Variants in CPM observed in about 807,000 individuals in gnomAD.
CPM encodes carboxypeptidase M, also known as renal carboxypeptidase.
CPM carries 35 observed loss-of-function variants against 46.4 expected under a neutral mutation model. The observed-to-expected ratio is 0.75, with a 90% CI of 0.58 to 1.00. The LOEUF (loss-of-function observed/expected upper bound fraction) is 1.00, where lower values mean the gene tolerates loss of function less well. CPM is among the 50% of genes least tolerant of loss of function. CPM has a pLI of 0.00. For synonymous variants in CPM, 195 were observed against 195.3 expected (o/e 1.00, Z 0.01); for missense variants, 422 against 530.4 (o/e 0.80, Z 2.01).
At chr12:68,860,682 T>A (rs1192378423) in intron 7 of CPM, among the ~76,000 whole-genome samples, 1 of 152,100 alleles carries the variant, frequency 6.6e-6, no homozygotes, top group Non-Finnish European at 1.5e-5. Context: ...GTACCCATCA[T>A]CATAGCTTGG....
intron 1 of CPM, among the ~76,000 whole-genome samples, chr12:68,941,423 G>A (rs1888759703): frequency 6.6e-6 from 1 of 152,072 alleles, no homozygotes; most frequent in Admixed American, 6.6e-5. Context: ...GCCCAGGCTG[G>A]AGTGCAGTGA....
chr12:68,926,162 C>T (rs943598908), intron 2 of CPM, among the ~76,000 whole-genome samples: 3 of 152,300 alleles, frequency 2.0e-5, no homozygotes, highest in African/African-American at 7.2e-5. Context: ...GGGCGATCCA[C>T]CTGCCTCAGC....
chr12:68,960,975 G>A (rs920690254), intron 1 of CPM, among the ~76,000 whole-genome samples: 17 of 152,100 alleles, frequency 1.1e-4, no homozygotes, highest in African/African-American at 3.1e-4. Flanking sequence ...GGTAAAAGGC[G>A]ATGCAACTTA....
At chr12:68,879,822 A>G (rs938202499) in intron 3 of CPM, among the ~76,000 whole-genome samples, 5 of 152,178 alleles carry the variant, frequency 3.3e-5, no homozygotes, top group African/African-American at 1.2e-4. Context: ...CAAAACAAAG[A>G]GTAGGGAGGG....
intron 2 of CPM, among the ~76,000 whole-genome samples, chr12:68,889,750 G>A (rs1056547296): frequency 2.6e-5 from 4 of 152,128 alleles, no homozygotes; most frequent in Admixed American, 6.5e-5. Flanking sequence ...GGGCCTGAAA[G>A]CTTAAGGAGA....
Position 68,913,976 on chromosome 12 carries a change from C to A in CPM, c.160+18702G>T. On this transcript the variant is annotated intron_variant, in intron 2 of 8. Transcript: ENST00000551568. The stretch of plus-strand genomic sequence containing the variant: ...AATATCAAATTTGTGTTTGATGCAG[C>A]TACACAGATATTATTATCAAAGAAA... 5.6e-6 allele frequency: 4 copies of A among 719,928 alleles called. No individual in the cohort carries two copies. In the Admixed American group the frequency reaches 7.1e-5, roughly 13 times the overall value. 44.6% of individuals were successfully genotyped at this position (719,928 alleles called of 1,614,324 possible). A position where few individuals can be genotyped will look rare whatever the true frequency, so the allele number is the denominator to read the frequency against.
chr12:68,893,603 C>G (rs572899561), intron 2 of CPM, among the ~76,000 whole-genome samples: 2 of 152,248 alleles, frequency 1.3e-5, no homozygotes, highest in Admixed American at 6.5e-5. Flanking sequence ...CTGCCTAGGT[C>G]AATTCTAAAG....
intron 5 of CPM, chr12:68,842,503 T>A: frequency 2.6e-6 from 1 of 385,240 alleles, no homozygotes; most frequent in Non-Finnish European, 5.1e-6. Context: ...TGAAAGGTGA[T>A]TACAAAATCA....
At chr12:68,842,883 C>G (rs1883910372) in intron 5 of CPM, 1 of 206,106 alleles carries the variant, frequency 4.9e-6, no homozygotes. Flanking sequence ...TTATGCTGGA[C>G]TGTTTTGATC....
intron 1 of CPM, among the ~76,000 whole-genome samples, chr12:68,961,968 A>C (rs577316766): frequency 2.0e-4 from 31 of 152,320 alleles, no homozygotes; most frequent in Non-Finnish European, 1.5e-5. Context: ...TGGGAGGCCA[A>C]GGCGGGCGGA....
At chr12:68,879,813 A>C (rs1886109736) in intron 3 of CPM, among the ~76,000 whole-genome samples, 1 of 152,220 alleles carries the variant, frequency 6.6e-6, no homozygotes, top group South Asian at 2.1e-4. Flanking sequence ...AGATAAGCAC[A>C]AAACAAAGAG....
At chr12:68,866,675 A>G in intron 7 of CPM, 1 of 466,138 alleles carries the variant, frequency 2.1e-6, no homozygotes, top group Non-Finnish European at 3.8e-6. Flanking sequence ...CTCATATTAA[A>G]GGAACATGCA....
At position 68,927,090 on chromosome 12, in the gene CPM, G is replaced by A. The variant is rs569145166; in HGVS notation, c.160+5588C>T. Among the ~76,000 whole-genome samples, 1,048 of 151,918 alleles carry A rather than the reference G, an allele frequency of 6.9e-3. 8 individuals are homozygous for A. The highest frequency in any genetic ancestry group is 0.034 in the Middle Eastern group (10 of 294). ...TTGGGTATATACCCAGTAATGGGAT[G>A]GCTGGGTCAAATGGTATTTCTAGTT... is the stretch of plus-strand genomic sequence containing the variant. On this transcript the variant is annotated intron_variant, in intron 2 of 8. Transcript: ENST00000551568.
chr12:68,932,234 A>G (rs1177923052), intron 2 of CPM, among the ~76,000 whole-genome samples: 3 of 152,252 alleles, frequency 2.0e-5, no homozygotes, highest in Non-Finnish European at 2.9e-5. Flanking sequence ...TGACACAGAA[A>G]TCTTACCAAC....
At chr12:68,849,906 C>T (rs1884585201), downstream of CPM, 2 of 152,298 alleles carry the variant, frequency 1.3e-5, no homozygotes, top group Admixed American at 1.3e-4. Context: ...AGTCACTACG[C>T]TTGGTAGACT....
intron 3 of CPM, among the ~76,000 whole-genome samples, chr12:68,880,093 A>T (rs1324207330): frequency 1.1e-5 from 1 of 88,618 alleles, no homozygotes; most frequent in Non-Finnish European, 2.2e-5. Flanking sequence ...CACTGGCATC[A>T]ACCCTTCCAA....
upstream of CPM, among the ~76,000 whole-genome samples, chr12:68,935,347 G>GC (rs1180372957): frequency 6.6e-6 from 1 of 152,072 alleles, no homozygotes; most frequent in African/African-American, 2.4e-5. Flanking sequence ...TGCAGCCTCT[G>GC]CCTTCCAGGT....
chr12:68,856,134 T>C lies in CPM; in HGVS notation c.*303A>G. ...CAAAATGATCTTCTTTTTGCAGGCATTTTTTTGCTTCTCAAGTTTTAACTT... is the reference window on the plus strand; with the variant it reads ...CAAAATGATCTTCTTTTTGCAGGCACTTTTTTGCTTCTCAAGTTTTAACTT... On this transcript the variant is annotated 3_prime_UTR_variant, in exon 9 of 9. Transcript: ENST00000551568. 2 of 316,872 alleles carry C rather than the reference T, an allele frequency of 6.3e-6. No homozygotes were observed. Among genetic ancestry groups the C allele is most frequent in the South Asian group, 6.0e-5 (1 of 16,544 alleles). 19.6% of individuals were successfully genotyped at this position (316,872 alleles called of 1,614,324 possible).
rs1481162502 is a variant in CPM, at chr12:68,885,014, G to A, written c.258+778C>T. On this transcript the variant is annotated intron_variant, in intron 3 of 8. Coordinates refer to ENST00000551568, the MANE Select transcript of CPM (RefSeq NM_198320.5). Reference sequence around the variant, plus strand: ...GCTGGAGAGCAGTGGCACGATCTTGGCTCACTGCAGCCTCCACCTCCTGGG... The same window carrying A: ...GCTGGAGAGCAGTGGCACGATCTTGACTCACTGCAGCCTCCACCTCCTGGG... 3.3e-5 allele frequency among the ~76,000 whole-genome samples: 5 copies of A among 152,290 alleles called. No individual in the cohort carries two copies. In the South Asian group the frequency reaches 1.0e-3, roughly 32 times the overall value.
Sources: gnomAD v4.1 joint callset for allele counts (sites outside exome capture counted in the v4.1 genomes callset) on GRCh38, gnomAD v4.1.1 for gene constraint, MANE v1.5 for transcripts, NCBI Gene and HGNC (gene_info 2026-07-23, HGNC 2026-07-21) for gene names.